Variants in GALNTL6 observed in about 807,000 individuals in gnomAD.
GALNTL6 encodes polypeptide N-acetylgalactosaminyltransferase like 6, also known as polypeptide N-acetylgalactosaminyltransferase-like 6.
A neutral mutation model predicts 73.7 loss-of-function variants in GALNTL6; 46 were observed. That is an observed-to-expected ratio of 0.62 (90% CI 0.49 to 0.80). GALNTL6 has a LOEUF of 0.80. Ranked by LOEUF, GALNTL6 falls within the 30% of genes least tolerant of loss-of-function variation. The pLI is 0.00. For synonymous variants in GALNTL6, 259 were observed against 263.7 expected (o/e 0.98, Z 0.17); for missense variants, 604 against 755.0 (o/e 0.80, Z 2.34).
At chr4:172,588,532 CAAA>C (rs1181803345) in intron 5 of GALNTL6, among the ~76,000 whole-genome samples, 3 of 95,852 alleles carry the variant, frequency 3.1e-5, no homozygotes, top group Non-Finnish European at 6.6e-5. Flanking sequence ...GACCCTGTCT[CAAA>C]AAAAAAAAAA....
intron 10 of GALNTL6, among the ~76,000 whole-genome samples, chr4:173,004,204 A>T (rs116278102): frequency 1.3e-5 from 2 of 152,020 alleles, no homozygotes; most frequent in African/African-American, 2.4e-5. Flanking sequence ...AAATGAGGTT[A>T]TAGGGAACCT....
At chr4:172,893,912 G>T (rs1479786214) in intron 8 of GALNTL6, among the ~76,000 whole-genome samples, 1 of 152,204 alleles carries the variant, frequency 6.6e-6, no homozygotes, top group Non-Finnish European at 1.5e-5. Context: ...CACAGTGGGA[G>T]TGTGGAGTCC....
rs1742175887 is a variant in GALNTL6, at chr4:172,044,886, G to A, written c.139-184770G>A. 3.3e-5 allele frequency among the ~76,000 whole-genome samples: 5 copies of A among 151,886 alleles called. No individual in the cohort carries two copies. In the South Asian group the frequency reaches 1.0e-3, roughly 31 times the overall value. The stretch of plus-strand genomic sequence containing the variant: ...CTTCTTCTTTTCTATAAAGTATCAA[G>A]ATCTACAAAATTATATTTCAATTAC... On this transcript the variant is annotated intron_variant, in intron 2 of 12. Coordinates refer to ENST00000506823, the MANE Select transcript of GALNTL6 (RefSeq NM_001034845.3).
intron 11 of GALNTL6, among the ~76,000 whole-genome samples, chr4:173,020,322 AATAGAATGGTATAATATG>A (rs1752942721): frequency 6.6e-6 from 1 of 152,240 alleles, no homozygotes; most frequent in African/African-American, 2.4e-5. Context: ...GGATGGATAT[AATAGAATGGTATAATATG>A]ATAGAATGGG....
chr4:172,292,724 A>C (rs1438949460), intron 3 of GALNTL6, among the ~76,000 whole-genome samples: 1 of 152,184 alleles, frequency 6.6e-6, no homozygotes, highest in East Asian at 1.9e-4. Flanking sequence ...TATTTGATTA[A>C]TGTAAAATAT....
intron 2 of GALNTL6, among the ~76,000 whole-genome samples, chr4:171,904,313 C>A (rs1225958432): frequency 1.3e-5 from 2 of 152,048 alleles, no homozygotes; most frequent in South Asian, 2.1e-4. Context: ...GCTGATGGAG[C>A]TGAAAACCAA....
At chr4:172,612,355 A>G (rs1339750252) in intron 5 of GALNTL6, among the ~76,000 whole-genome samples, 1 of 152,158 alleles carries the variant, frequency 6.6e-6, no homozygotes, top group Non-Finnish European at 1.5e-5. Context: ...AGATGGATTT[A>G]TGTCACATAC....
chr4:173,002,208 G>A (rs1752073535), intron 10 of GALNTL6, among the ~76,000 whole-genome samples: 1 of 151,860 alleles, frequency 6.6e-6, no homozygotes, highest in Non-Finnish European at 1.5e-5. Context: ...TGGCCAACAT[G>A]GTGAAACGCT....
At chr4:172,697,617 A>C (rs932803708) in intron 5 of GALNTL6, among the ~76,000 whole-genome samples, 1 of 152,326 alleles carries the variant, frequency 6.6e-6, no homozygotes, top group South Asian at 2.1e-4. Flanking sequence ...CACTGGAGGA[A>C]GGGCTTCGTC....
chr4:171,814,659 C>G lies in GALNTL6; in HGVS notation c.79C>G (p.Leu27Val). The change falls in exon 2 of 13, where the codon CTC becomes GTC. Residue 27 changes from leucine to valine, a missense_variant. Physicochemically the swap from Leu to Val is conservative, Grantham distance 32. Transcript: ENST00000506823. The part of the protein sequence containing the change: ...VALIFLPNVG[L>V]WSLYKDKHLV... ...TTTAATTTTCCTGCCTAACGTTGGT[C>G]TCTGGTCTCTGTACAAGGATAAGCA... is the stretch of plus-strand genomic sequence containing the variant. 1 of 1,614,070 alleles carries G rather than the reference C, an allele frequency of 6.2e-7. No individual in the cohort carries two copies. The highest frequency in any genetic ancestry group is 2.2e-5 in the East Asian group (1 of 44,864).
chr4:172,617,161 A>T (rs1294304403), intron 5 of GALNTL6, among the ~76,000 whole-genome samples: 1 of 152,040 alleles, frequency 6.6e-6, no homozygotes, highest in Non-Finnish European at 1.5e-5. Flanking sequence ...GTGCGTAATT[A>T]TAAGGCATTT....
intron 2 of GALNTL6, among the ~76,000 whole-genome samples, chr4:171,891,265 A>G (rs1205045663): frequency 6.6e-5 from 10 of 152,160 alleles, no homozygotes; most frequent in Non-Finnish European, 2.9e-5. Flanking sequence ...CTTTCAGACC[A>G]CTGGAGGCAC....
intron 2 of GALNTL6, among the ~76,000 whole-genome samples, chr4:171,918,632 C>A (rs1294138759): frequency 6.6e-6 from 1 of 152,116 alleles, no homozygotes; most frequent in Non-Finnish European, 1.5e-5. Flanking sequence ...ATCCAGCAAT[C>A]TTACTTCTGG....
chr4:171,940,502 G>C (rs1470923808), intron 2 of GALNTL6, among the ~76,000 whole-genome samples: 1 of 152,004 alleles, frequency 6.6e-6, no homozygotes, highest in Non-Finnish European at 1.5e-5. Flanking sequence ...TATTGCTCTT[G>C]CCTTAGAAGA....
At chr4:171,857,655 G>T (rs545841424) in intron 2 of GALNTL6, among the ~76,000 whole-genome samples, 1 of 152,284 alleles carries the variant, frequency 6.6e-6, no homozygotes, top group Non-Finnish European at 1.5e-5. Context: ...AGGCTAAAAA[G>T]AACATTTTTT....
chr4:172,952,112 C>A lies in GALNTL6; in HGVS notation c.1225C>A (p.His409Asn). Residue 409 changes from histidine (H) to asparagine (N), a missense_variant, in exon 10 of 13, where the codon CAT becomes AAT. Around this residue, in one of 5 missense-constraint regions of GALNTL6, gnomAD observed 261 missense variants for 296.5 expected, o/e 0.88. Transcript: ENST00000506823. ...YIYQRRPEYR[H>N]LSTGDISAQK... The stretch of plus-strand genomic sequence containing the variant: ...TTACCAGCGGCGGCCGGAGTACAGG[C>A]ATCTCTCCACGGGGGACATCTCTGC... The A allele has an allele frequency of 6.2e-7, 1 of 1,614,094 alleles. No homozygotes were observed.
chr4:172,726,051 G>T (rs771739089), intron 5 of GALNTL6, among the ~76,000 whole-genome samples: 33 of 152,302 alleles, frequency 2.2e-4, no homozygotes, highest in Admixed American at 1.6e-3. Flanking sequence ...TTCCTTCAGA[G>T]CCCTGATTCA....
At chr4:172,987,924 A>G (rs1678118590) in intron 10 of GALNTL6, among the ~76,000 whole-genome samples, 2 of 152,222 alleles carry the variant, frequency 1.3e-5, no homozygotes, top group Admixed American at 6.5e-5. Flanking sequence ...CCGTGAGCCA[A>G]TTAAACCTCT....
Position 172,570,549 on chromosome 4 carries a change from G to T in GALNTL6, c.553+221860G>T, listed in dbSNP as rs539868559. ...AAGAAACCAGACATCCCAACACTTT[G>T]ATCTCAGAATTCTAGCTTCCAGAAT... is the stretch of plus-strand genomic sequence containing the variant. On this transcript the variant is annotated intron_variant, in intron 5 of 12. Coordinates refer to ENST00000506823, the MANE Select transcript of GALNTL6 (RefSeq NM_001034845.3). Among the ~76,000 whole-genome samples the T allele has an allele frequency of 8.0e-4, 121 of 152,038 alleles. 1 individual carries two copies. Among genetic ancestry groups the T allele is most frequent in the Non-Finnish European group, 1.4e-3 (95 of 68,014 alleles).
Sources: gnomAD v4.1 joint callset for allele counts (sites outside exome capture counted in the v4.1 genomes callset) on GRCh38, gnomAD v4.1.1 for gene constraint, gnomAD v4.1.1 regional missense constraint, MANE v1.5 for transcripts, NCBI Gene and HGNC (gene_info 2026-07-23, HGNC 2026-07-21) for gene names.